SEMA3A: variants seen among roughly 807,000 people sequenced by gnomAD.
SEMA3A encodes semaphorin-3A.
Under a neutral mutation model 97.9 loss-of-function variants are expected in SEMA3A, and 29 were observed. The ratio of observed to expected loss-of-function variants is 0.30; its 90% CI spans 0.22 to 0.40. The LOEUF is 0.40. Among genes scored for constraint, SEMA3A ranks in the 10% least tolerant of loss-of-function variants. The pLI is 1.00. For missense variants in SEMA3A, 763 were observed against 951.3 expected, an observed-to-expected ratio of 0.80 and a Z score of 2.60; for synonymous variants, 321 against 323.7, an observed-to-expected ratio of 0.99 and a Z score of 0.09.
At chr7:84,250,708 C>G (rs1194365244) in intron 3 of SEMA3A, among the ~76,000 whole-genome samples, 1 of 152,108 alleles carries the variant, frequency 6.6e-6, no homozygotes, top group African/African-American at 2.4e-5. Flanking sequence ...TTACATTTAA[C>G]TTTAATCTGT....
chr7:84,059,994 A>G (rs1793150133), intron 5 of SEMA3A, among the ~76,000 whole-genome samples: 1 of 152,208 alleles, frequency 6.6e-6, no homozygotes, highest in Non-Finnish European at 1.5e-5. Flanking sequence ...CAGCAATGCT[A>G]AATGAAAAGA....
chr7:83,994,716 C>A (rs6963824), intron 12 of SEMA3A, among the ~76,000 whole-genome samples: 88,699 of 145,508 alleles, frequency 0.61, 27,545 homozygotes, highest in East Asian at 0.85. Context: ...CTGCTCTCTT[C>A]AAAGCTGTCA....
chr7:84,356,891 T>G (rs7806920), intron 2 of SEMA3A, among the ~76,000 whole-genome samples: 37,177 of 151,522 alleles, frequency 0.25, 4,909 homozygotes, highest in South Asian at 0.36. Flanking sequence ...GCCTGTACAA[T>G]GATATTTAAG....
At chr7:84,273,612 C>T (rs1800210499) in intron 3 of SEMA3A, among the ~76,000 whole-genome samples, 1 of 152,102 alleles carries the variant, frequency 6.6e-6, no homozygotes, top group Non-Finnish European at 1.5e-5. Context: ...CCCACCCAAA[C>T]CATCGTTATA....
At chr7:84,310,090 A>T (rs1801275829) in intron 2 of SEMA3A, among the ~76,000 whole-genome samples, 1 of 152,142 alleles carries the variant, frequency 6.6e-6, no homozygotes, top group Non-Finnish European at 1.5e-5. Flanking sequence ...TAGCCTAATT[A>T]TACAATGGAG....
At chr7:84,410,816 T>C (rs576156244) in intron 1 of SEMA3A, among the ~76,000 whole-genome samples, 262 of 152,288 alleles carry the variant, frequency 1.7e-3, no homozygotes, top group Non-Finnish European at 3.4e-3. Context: ...TCCAAAGTAT[T>C]TGTGTTTCTG....
intron 9 of SEMA3A, 44 bp downstream of exon 9, chr7:84,010,978 T>C: frequency 7.0e-7 from 1 of 1,421,278 alleles, no homozygotes; most frequent in Non-Finnish European, 9.7e-7. Flanking sequence ...GGATAGCACC[T>C]AAATAACATT....
At chr7:84,473,141 GGTGTGTGT>G (rs61623414) in intron 1 of SEMA3A, among the ~76,000 whole-genome samples, 2 of 141,516 alleles carry the variant, frequency 1.4e-5, no homozygotes, top group Admixed American at 7.1e-5. Flanking sequence ...AAAAAGAAAT[GGTGTGTGT>G]GTGTGTGTGT....
At chr7:84,346,878 C>A (rs1802312833) in intron 2 of SEMA3A, among the ~76,000 whole-genome samples, 1 of 152,112 alleles carries the variant, frequency 6.6e-6, no homozygotes, top group South Asian at 2.1e-4. Context: ...GTAGAAAAGG[C>A]AATTATCTGC....
chr7:84,411,698 C>T (rs1562938131), intron 1 of SEMA3A, among the ~76,000 whole-genome samples: 1 of 151,758 alleles, frequency 6.6e-6, no homozygotes, highest in Non-Finnish European at 1.5e-5. Context: ...TAGGCTTTTC[C>T]TTACGTATGT....
chr7:84,194,607 C>G lies in SEMA3A; in HGVS notation c.-21G>C. 1 of 1,440,876 alleles carries G rather than the reference C, an allele frequency of 6.9e-7. No individual in the cohort carries two copies. The allele number at this position is 1,440,876 out of a possible 1,614,324, so 89.3% of individuals were successfully genotyped here. A position where few individuals can be genotyped will look rare whatever the true frequency, so the allele number is the denominator to read the frequency against. On this transcript the variant is annotated 5_prime_UTR_variant, in exon 1 of 17. Transcript: ENST00000265362. The stretch of plus-strand genomic sequence containing the variant: ...CCCATGCTGCAGACGCTGTAGGTCC[C>G]TTTGCTGCTTTAGTCTTCCTTCCTG...
intron 1 of SEMA3A, among the ~76,000 whole-genome samples, chr7:84,430,014 T>A (rs1461929246): frequency 6.6e-6 from 1 of 151,960 alleles, no homozygotes. Context: ...CACATTTATC[T>A]TCAAACTAAG....
chr7:84,436,272 G>A (rs1228333568), intron 1 of SEMA3A, among the ~76,000 whole-genome samples: 1 of 151,970 alleles, frequency 6.6e-6, no homozygotes, highest in Admixed American at 6.6e-5. Context: ...TTGCCCTTGG[G>A]AAAGAATTTA....
At chr7:84,358,529 G>T (rs1802629992) in intron 2 of SEMA3A, among the ~76,000 whole-genome samples, 1 of 152,092 alleles carries the variant, frequency 6.6e-6, no homozygotes, top group Admixed American at 6.6e-5. Flanking sequence ...ATGCTGTTTT[G>T]GTTACTGTAG....
chr7:84,256,212 G>C (rs952890712), intron 3 of SEMA3A, among the ~76,000 whole-genome samples: 2 of 152,036 alleles, frequency 1.3e-5, no homozygotes, highest in Admixed American at 6.6e-5. Flanking sequence ...AACATACCTA[G>C]TAGTCAATAA....
intron 3 of SEMA3A, among the ~76,000 whole-genome samples, chr7:84,242,560 C>A (rs1401354330): frequency 6.6e-6 from 1 of 152,164 alleles, no homozygotes; most frequent in African/African-American, 2.4e-5. Flanking sequence ...ACAATTATGT[C>A]ATCTGCAAAC....
intron 1 of SEMA3A, among the ~76,000 whole-genome samples, chr7:84,447,473 A>G (rs1460246608): frequency 1.3e-5 from 2 of 152,066 alleles, no homozygotes; most frequent in Non-Finnish European, 2.9e-5. Flanking sequence ...CCGCCCATGG[A>G]CCAATCAACA....
chr7:84,421,448 C>T (rs148530194), intron 1 of SEMA3A, among the ~76,000 whole-genome samples: 32 of 152,070 alleles, frequency 2.1e-4, no homozygotes, highest in African/African-American at 2.4e-4. Context: ...TCTCCAGTAA[C>T]GGTAACTGTA....
intron 1 of SEMA3A, among the ~76,000 whole-genome samples, chr7:84,394,304 T>C (rs1803668474): frequency 6.6e-6 from 1 of 152,096 alleles, no homozygotes; most frequent in Non-Finnish European, 1.5e-5. Context: ...CTTCTATGTG[T>C]TGATTGACCA....
Sources: allele counts gnomAD v4.1 joint callset (sites outside exome capture counted in the v4.1 genomes callset), GRCh38; gene constraint gnomAD v4.1.1; transcripts MANE v1.5; gene names NCBI Gene and HGNC (gene_info 2026-07-23, HGNC 2026-07-21).